Variants in DDAH1 observed in about 807,000 individuals in gnomAD.
The protein encoded by DDAH1 is dimethylarginine dimethylaminohydrolase 1.
A neutral mutation model predicts 28.8 loss-of-function variants in DDAH1; 19 were observed. That is an observed-to-expected ratio of 0.66 (90% CI 0.46 to 0.97). The LOEUF is 0.97. Ranked by LOEUF, DDAH1 falls within the 50% of genes least tolerant of loss-of-function variation. DDAH1 has a pLI of 0.00. For missense variants in DDAH1, 326 were observed against 375.9 expected (o/e 0.87, Z 1.10); for synonymous variants, 153 against 154.4 (o/e 0.99, Z 0.07).
At chr1:85,514,099 A>G (rs1657355078) in intron 1 of DDAH1, among the ~76,000 whole-genome samples, 1 of 152,232 alleles carries the variant, frequency 6.6e-6, no homozygotes, top group African/African-American at 2.4e-5. Context: ...ACTTGGAACC[A>G]ACTCAAATGT....
rs143588021 is a variant in DDAH1, at chr1:85,355,840, C to T, written c.403+2908G>A. On this transcript the variant is annotated intron_variant, in intron 2 of 5. Coordinates refer to ENST00000284031, the MANE Select transcript of DDAH1 (RefSeq NM_012137.4). ...ATTGAAAATGAACTACAGCTACACA[C>T]ATCAACTTAGATCAAAAGTAGAAAA... is the stretch of plus-strand genomic sequence containing the variant. 1.6e-3 allele frequency among the ~76,000 whole-genome samples: 247 copies of T among 152,250 alleles called. 1 individual carries two copies. Among genetic ancestry groups the T allele is most frequent in the Non-Finnish European group, 3.1e-3 (210 of 68,016 alleles).
intron 1 of DDAH1, among the ~76,000 whole-genome samples, chr1:85,396,236 G>A (rs1651808209): frequency 6.6e-6 from 1 of 152,118 alleles, no homozygotes; most frequent in Non-Finnish European, 1.5e-5. Context: ...TGCTATAAAG[G>A]AATACCTAAG....
At chr1:85,500,147 T>TTTC (rs1351874163) in intron 1 of DDAH1, among the ~76,000 whole-genome samples, 607 of 55,238 alleles carry the variant, frequency 0.011, 4 homozygotes, top group African/African-American at 0.032. Context: ...TCTTTCTTTC[T>TTTC]TTTCTTTCTT....
At chr1:85,426,739 T>C (rs139654447) in intron 1 of DDAH1, among the ~76,000 whole-genome samples, 641 of 151,776 alleles carry the variant, frequency 4.2e-3, no homozygotes, top group African/African-American at 0.014. Context: ...GAGACCCCCA[T>C]CTCTACAGAA....
intron 2 of DDAH1, among the ~76,000 whole-genome samples, chr1:85,479,166 T>C (rs574111653): frequency 7.1e-5 from 9 of 126,946 alleles, no homozygotes; most frequent in South Asian, 2.7e-4. Flanking sequence ...TTTCTTTTTT[T>C]TTTTTTTTTT....
At chr1:85,567,219 T>G (rs1216179541) in intron 1 of DDAH1, among the ~76,000 whole-genome samples, 4 of 152,208 alleles carry the variant, frequency 2.6e-5, no homozygotes, top group Non-Finnish European at 5.9e-5. Flanking sequence ...TCTGGGACCC[T>G]GTAGCCCTGT....
chr1:85,347,489 C>T (rs1468194714), intron 4 of DDAH1, among the ~76,000 whole-genome samples: 2 of 152,060 alleles, frequency 1.3e-5, no homozygotes, highest in Admixed American at 1.3e-4. Context: ...AGCTGGAAAC[C>T]ATCATTCTCA....
chr1:85,565,689 TAATA>T, intron 1 of DDAH1, among the ~76,000 whole-genome samples: 2 of 152,172 alleles, frequency 1.3e-5, no homozygotes, highest in South Asian at 2.1e-4. Flanking sequence ...GAAGCAAAAA[TAATA>T]CCTAAACAAA....
intron 1 of DDAH1, among the ~76,000 whole-genome samples, chr1:85,374,723 GTTATAAAA>G (rs1286322406): frequency 6.6e-6 from 1 of 151,526 alleles, no homozygotes; most frequent in African/African-American, 2.4e-5. Context: ...TGCTCATACT[GTTATAAAA>G]TTATACTATA....
intron 4 of DDAH1, among the ~76,000 whole-genome samples, chr1:85,333,012 G>A (rs1647872981): frequency 1.4e-5 from 2 of 138,522 alleles, no homozygotes; most frequent in South Asian, 4.8e-4. Context: ...AAGCTGCCTG[G>A]AGGCCCCAAA....
At chr1:85,408,424 TG>T (rs1428597621) in intron 1 of DDAH1, among the ~76,000 whole-genome samples, 2 of 152,204 alleles carry the variant, frequency 1.3e-5, no homozygotes, top group Non-Finnish European at 2.9e-5. Flanking sequence ...AGCATTTCCA[TG>T]ATTAAATGAA....
intron 1 of DDAH1, among the ~76,000 whole-genome samples, chr1:85,402,207 G>A (rs1652146972): frequency 4.4e-5 from 2 of 45,212 alleles, no homozygotes; most frequent in African/African-American, 6.5e-5. Context: ...TCACTACGTA[G>A]CCCAGGCTTA....
chr1:85,528,373 C>T (rs1244980782), intron 1 of DDAH1, among the ~76,000 whole-genome samples: 5 of 152,098 alleles, frequency 3.3e-5, no homozygotes, highest in African/African-American at 1.2e-4. Flanking sequence ...TTGGAAAATA[C>T]TGCTTTACCA....
chr1:85,543,740 A>C (rs1216618398), intron 1 of DDAH1, among the ~76,000 whole-genome samples: 1 of 152,186 alleles, frequency 6.6e-6, no homozygotes, highest in Non-Finnish European at 1.5e-5. Context: ...ATACATCTAT[A>C]AAAGTGGGGC....
At chr1:85,336,468 GA>G (rs539959481) in intron 4 of DDAH1, among the ~76,000 whole-genome samples, 9 of 150,356 alleles carry the variant, frequency 6.0e-5, no homozygotes, top group African/African-American at 1.7e-4. Context: ...AAGAAAGAAA[GA>G]AAAAAAAATT....
intron 1 of DDAH1, among the ~76,000 whole-genome samples, chr1:85,401,506 T>C (rs975856663): frequency 2.0e-5 from 3 of 148,516 alleles, no homozygotes; most frequent in African/African-American, 4.9e-5. Context: ...TCTTTCTTTT[T>C]TTTTTTTTTT....
intron 1 of DDAH1, among the ~76,000 whole-genome samples, chr1:85,527,467 T>C (rs1331131415): frequency 2.0e-5 from 3 of 152,114 alleles, no homozygotes; most frequent in South Asian, 4.1e-4. Flanking sequence ...TGATGAAGAA[T>C]GGGAAAAGCA....
chr1:85,501,908 G>C (rs1439949409), intron 1 of DDAH1, among the ~76,000 whole-genome samples: 6 of 152,006 alleles, frequency 3.9e-5, no homozygotes, highest in Non-Finnish European at 7.4e-5. Context: ...CTGGTTTTTA[G>C]AACTCTAATC....
intron 1 of DDAH1, among the ~76,000 whole-genome samples, chr1:85,574,704 T>C (rs1352022737): frequency 6.6e-6 from 1 of 152,174 alleles, no homozygotes; most frequent in Admixed American, 6.5e-5. Flanking sequence ...TCACAAGCTC[T>C]GAATAAATCT....
Sources: allele counts gnomAD v4.1 joint callset (sites outside exome capture counted in the v4.1 genomes callset), GRCh38; gene constraint gnomAD v4.1.1; transcripts MANE v1.5; gene names NCBI Gene and HGNC (gene_info 2026-07-23, HGNC 2026-07-21).